The following ZNF385D variants were observed in gnomAD, a reference collection of about 807,000 sequenced individuals.
ZNF385D encodes zinc finger protein 659.
In ZNF385D, 15 loss-of-function variants were observed where a neutral mutation model predicts 35.8. The observed-to-expected ratio is 0.42, with a 90% CI of 0.28 to 0.64. The LOEUF is 0.64. Among genes scored for constraint, ZNF385D ranks in the 30% least tolerant of loss-of-function variants. ZNF385D has a pLI of 0.23. For missense variants in ZNF385D, 474 were observed against 494.6 expected, an observed-to-expected ratio of 0.96 and a Z score of 0.39; for synonymous variants, 212 against 186.8, an observed-to-expected ratio of 1.13 and a Z score of -1.10.
At chr3:21,761,586 G>C (rs2070610603) in intron 3 of ZNF385D, among the ~76,000 whole-genome samples, 1 of 152,056 alleles carries the variant, frequency 6.6e-6, no homozygotes, top group Non-Finnish European at 1.5e-5. Context: ...AACATAGAGA[G>C]GTGAGAGAAG....
chr3:22,168,756 G>T, intron 3 of ZNF385D: 2 of 924,862 alleles, frequency 2.2e-6, no homozygotes, highest in Non-Finnish European at 2.6e-6. Flanking sequence ...CACATCTGCA[G>T]GTACACAAAT....
At chr3:21,992,902 C>T (rs1474278785) in intron 3 of ZNF385D, among the ~76,000 whole-genome samples, 1 of 152,168 alleles carries the variant, frequency 6.6e-6, no homozygotes, top group Non-Finnish European at 1.5e-5. Flanking sequence ...AAACTCCAAG[C>T]AGTGAAGTCA....
At chr3:21,944,645 G>C (rs140271927) in intron 3 of ZNF385D, among the ~76,000 whole-genome samples, 63 of 152,198 alleles carry the variant, frequency 4.1e-4, no homozygotes, top group African/African-American at 1.5e-3. Flanking sequence ...AAGGGTGGGA[G>C]AATAACTAGG....
intron 3 of ZNF385D, among the ~76,000 whole-genome samples, chr3:22,015,040 A>C (rs753793609): frequency 6.6e-6 from 1 of 152,068 alleles, no homozygotes; most frequent in African/African-American, 2.4e-5. Context: ...ATCACTGTGT[A>C]ATTTCTTTTT....
chr3:21,897,374 A>G (rs1226237961), intron 3 of ZNF385D, among the ~76,000 whole-genome samples: 2 of 152,184 alleles, frequency 1.3e-5, no homozygotes, highest in Admixed American at 6.5e-5. Context: ...AGGAGATCCA[A>G]TGTGCTTCTT....
chr3:22,220,166 C>T (rs1698166165), intron 2 of ZNF385D, among the ~76,000 whole-genome samples: 1 of 151,470 alleles, frequency 6.6e-6, no homozygotes, highest in Non-Finnish European at 1.5e-5. Context: ...TGGGATCAAG[C>T]GATCCTCCCA....
intron 3 of ZNF385D, among the ~76,000 whole-genome samples, chr3:21,985,359 G>A (rs1205522465): frequency 8.7e-6 from 1 of 115,138 alleles, no homozygotes; most frequent in East Asian, 2.1e-4. Flanking sequence ...CTAATTTCTT[G>A]AGAGTTTTTA....
chr3:22,129,610 C>T (rs1703654805), intron 3 of ZNF385D, among the ~76,000 whole-genome samples: 1 of 152,112 alleles, frequency 6.6e-6, no homozygotes. Context: ...CCATAACTGA[C>T]CCAGATTTGT....
At chr3:22,212,057 G>C (rs540536375) in intron 2 of ZNF385D, among the ~76,000 whole-genome samples, 2 of 152,028 alleles carry the variant, frequency 1.3e-5, no homozygotes, top group African/African-American at 4.8e-5. Flanking sequence ...AATAGGGAAA[G>C]TGTAGTACTT....
intron 3 of ZNF385D, among the ~76,000 whole-genome samples, chr3:21,882,119 A>G (rs1698309460): frequency 6.6e-6 from 1 of 152,068 alleles, no homozygotes; most frequent in Non-Finnish European, 1.5e-5. Flanking sequence ...TTAATAAATC[A>G]GTGGCAGAGT....
chr3:21,451,200 C>T (rs1051261949), intron 4 of ZNF385D, among the ~76,000 whole-genome samples: 5 of 151,946 alleles, frequency 3.3e-5, no homozygotes, highest in African/African-American at 1.2e-4. Context: ...TCTTCTCTAT[C>T]TTTGAAGGTA....
intron 3 of ZNF385D, among the ~76,000 whole-genome samples, chr3:22,140,761 A>G (rs1383199371): frequency 6.6e-6 from 1 of 152,214 alleles, no homozygotes; most frequent in South Asian, 2.1e-4. Flanking sequence ...TTTGTGGGAA[A>G]ATTTGAATCA....
intron 3 of ZNF385D, among the ~76,000 whole-genome samples, chr3:22,132,803 T>G (rs1576374790): frequency 6.6e-6 from 1 of 152,140 alleles, no homozygotes; most frequent in African/African-American, 2.4e-5. Flanking sequence ...TACTTAATTG[T>G]GATTTCTTTC....
At chr3:22,102,994 T>C (rs1702022466) in intron 3 of ZNF385D, among the ~76,000 whole-genome samples, 1 of 150,268 alleles carries the variant, frequency 6.7e-6, no homozygotes, top group Non-Finnish European at 1.5e-5. Context: ...ATATATTATA[T>C]ACTGTATATA....
chr3:22,181,646 G>A (rs931863062), intron 2 of ZNF385D, among the ~76,000 whole-genome samples: 13 of 150,626 alleles, frequency 8.6e-5, no homozygotes, highest in African/African-American at 2.2e-4. Flanking sequence ...TGCAGTGAGC[G>A]GAGATGGGGC....
At chr3:21,457,350 G>A (rs1419533467) in intron 4 of ZNF385D, among the ~76,000 whole-genome samples, 2 of 28,910 alleles carry the variant, frequency 6.9e-5, no homozygotes, top group East Asian at 2.6e-3. Context: ...TGTTGTCGTT[G>A]TTGTTGTTGT....
intron 2 of ZNF385D, among the ~76,000 whole-genome samples, chr3:21,626,673 A>G (rs79182746): frequency 1.8e-4 from 27 of 152,248 alleles, no homozygotes; most frequent in Middle Eastern, 3.4e-3. Context: ...GCAAGTGCCT[A>G]TCATCTTTGG....
At chr3:22,274,829 T>C (rs1485258051) in intron 2 of ZNF385D, among the ~76,000 whole-genome samples, 6 of 151,812 alleles carry the variant, frequency 4.0e-5, no homozygotes, top group Non-Finnish European at 7.4e-5. Flanking sequence ...AGTTAAAATA[T>C]TGAAGTCTTT....
At chr3:21,776,336 T>G (rs1334489427) in intron 3 of ZNF385D, among the ~76,000 whole-genome samples, 1 of 151,950 alleles carries the variant, frequency 6.6e-6, no homozygotes, top group African/African-American at 2.4e-5. Context: ...TGGTACATAC[T>G]GTTCAATTGC....
Sources: gnomAD v4.1 joint callset for allele counts (sites outside exome capture counted in the v4.1 genomes callset) on GRCh38, gnomAD v4.1.1 for gene constraint, MANE v1.5 for transcripts, NCBI Gene and HGNC (gene_info 2026-07-23, HGNC 2026-07-21) for gene names.